PTPRD: variants seen among roughly 807,000 people sequenced by gnomAD.
PTPRD encodes protein tyrosine phosphatase receptor type D.
In PTPRD, 34 loss-of-function variants were observed where a neutral mutation model predicts 214.5. That is an observed-to-expected ratio of 0.16 (90% CI 0.12 to 0.21). The LOEUF is 0.21. Ranked by LOEUF, PTPRD falls within the 10% of genes least tolerant of loss-of-function variation. The pLI, the probability that PTPRD is intolerant of heterozygous loss-of-function variation, is 1.00. For missense variants in PTPRD, 2,545 were observed against 2,398.7 expected, an observed-to-expected ratio of 1.06 and a Z score of -1.27; for synonymous variants, 1,128 against 845.7, an observed-to-expected ratio of 1.33 and a Z score of -5.79.
chr9:9,783,534 G>A (rs530221429), intron 5 of PTPRD, among the ~76,000 whole-genome samples: 1 of 151,964 alleles, frequency 6.6e-6, no homozygotes, highest in Non-Finnish European at 1.5e-5. Context: ...CACTGATGTG[G>A]GAAGAGATCT....
intron 11 of PTPRD, among the ~76,000 whole-genome samples, chr9:8,842,377 T>C (rs2097575610): frequency 1.3e-5 from 2 of 152,230 alleles, no homozygotes; most frequent in Admixed American, 6.5e-5. Context: ...TGAGATTATA[T>C]TACTTTTATG....
chr9:9,105,391 C>G (rs1488058891), intron 10 of PTPRD, among the ~76,000 whole-genome samples: 1 of 152,102 alleles, frequency 6.6e-6, no homozygotes, highest in Non-Finnish European at 1.5e-5. Flanking sequence ...GAGCTCTTAC[C>G]TTTTCTTCAG....
intron 2 of PTPRD, among the ~76,000 whole-genome samples, chr9:10,507,143 T>C (rs1238739886): frequency 6.6e-6 from 1 of 152,152 alleles, no homozygotes; most frequent in Non-Finnish European, 1.5e-5. Context: ...AGCATTCTTA[T>C]ACACCAATAA....
intron 9 of PTPRD, among the ~76,000 whole-genome samples, chr9:9,184,448 C>T: frequency 6.6e-6 from 1 of 152,072 alleles, no homozygotes; most frequent in South Asian, 2.1e-4. Context: ...GTCCCAAAGA[C>T]AAAAAGAACA....
intron 11 of PTPRD, among the ~76,000 whole-genome samples, chr9:8,816,804 A>G (rs906341591): frequency 1.3e-5 from 2 of 151,916 alleles, no homozygotes; most frequent in Non-Finnish European, 2.9e-5. Context: ...TAGGAATAGA[A>G]GAAGAAAGGG....
At chr9:9,476,596 T>C (rs1026270297) in intron 8 of PTPRD, among the ~76,000 whole-genome samples, 5 of 152,206 alleles carry the variant, frequency 3.3e-5, no homozygotes, top group Admixed American at 3.3e-4. Flanking sequence ...TGCTAGCATG[T>C]GGCCTCTATA....
intron 35 of PTPRD, among the ~76,000 whole-genome samples, chr9:8,418,146 G>T (rs1282469539): frequency 6.6e-6 from 1 of 151,792 alleles, no homozygotes; most frequent in Non-Finnish European, 1.5e-5. Flanking sequence ...GTTTTCCTCT[G>T]TCCATGTCTG....
chr9:8,793,264 A>G (rs2154513304), intron 11 of PTPRD, among the ~76,000 whole-genome samples: 1 of 149,182 alleles, frequency 6.7e-6, no homozygotes, highest in East Asian at 2.0e-4. Context: ...TTGATCACTC[A>G]TTTTGGAATA....
chr9:10,577,999 C>T (rs2070123645), intron 2 of PTPRD, among the ~76,000 whole-genome samples: 1 of 151,390 alleles, frequency 6.6e-6, no homozygotes, highest in Non-Finnish European at 1.5e-5. Flanking sequence ...GCAACCTCCG[C>T]CTCCCAGGTT....
chr9:9,656,011 G>C (rs566641825), intron 7 of PTPRD, among the ~76,000 whole-genome samples: 2 of 152,054 alleles, frequency 1.3e-5, no homozygotes, highest in Admixed American at 1.3e-4. Flanking sequence ...TGGAAGATAA[G>C]CATATGAAAA....
In PTPRD at chr9:9,006,261, G is replaced by A. The variant is rs369650278; in HGVS notation, c.-104+12436C>T. Among the ~76,000 whole-genome samples the A allele has an allele frequency of 5.3e-5, 8 of 151,972 alleles. No individual in the cohort carries two copies. The East Asian group carries it at 1.5e-3, about 29-fold the overall frequency. On this transcript the variant is annotated intron_variant, in intron 11 of 45. Transcript: ENST00000381196. ...ACTCTATTATTCTAGGTCCTCCTAT[G>A]TTAGATGGGCTATGAGAGCAAATAT...
At chr9:9,333,160 G>C (rs1387903675) in intron 9 of PTPRD, among the ~76,000 whole-genome samples, 1 of 151,880 alleles carries the variant, frequency 6.6e-6, no homozygotes, top group East Asian at 1.9e-4. Flanking sequence ...TCACATTTGA[G>C]AGAGATAATA....
chr9:8,441,430 A>C (rs993599424), intron 34 of PTPRD, among the ~76,000 whole-genome samples: 14 of 152,190 alleles, frequency 9.2e-5, no homozygotes, highest in Non-Finnish European at 1.9e-4. Context: ...CAAAATCCAG[A>C]GTATCGTGTG....
intron 14 of PTPRD, among the ~76,000 whole-genome samples, chr9:8,616,309 T>A (rs527469650): frequency 6.6e-6 from 1 of 152,142 alleles, no homozygotes; most frequent in Non-Finnish European, 1.5e-5. Context: ...TTTCAAGTTG[T>A]AACATGGCAG....
intron 3 of PTPRD, among the ~76,000 whole-genome samples, chr9:10,143,445 T>C (rs1003759090): frequency 2.0e-5 from 3 of 152,014 alleles, no homozygotes; most frequent in Non-Finnish European, 4.4e-5. Flanking sequence ...AATGGAACAC[T>C]TGTACACTGT....
chr9:8,646,353 C>T (rs780138429), intron 12 of PTPRD, among the ~76,000 whole-genome samples: 8 of 152,104 alleles, frequency 5.3e-5, no homozygotes, highest in African/African-American at 1.4e-4. Context: ...AGCTCTTTTC[C>T]GCTCAAAAAA....
chr9:8,599,058 C>G (rs981482104), intron 14 of PTPRD, among the ~76,000 whole-genome samples: 1 of 152,088 alleles, frequency 6.6e-6, no homozygotes, highest in Non-Finnish European at 1.5e-5. Flanking sequence ...ATAACTGAAT[C>G]AAGTGGGCAG....
chr9:9,840,021 G>A (rs1207484945), intron 5 of PTPRD, among the ~76,000 whole-genome samples: 1 of 151,810 alleles, frequency 6.6e-6, no homozygotes, highest in Non-Finnish European at 1.5e-5. Flanking sequence ...TCAATTTTAT[G>A]GTTGGTTTTT....
intron 10 of PTPRD, among the ~76,000 whole-genome samples, chr9:9,114,071 G>A (rs1452318938): frequency 1.3e-5 from 2 of 152,132 alleles, no homozygotes; most frequent in Admixed American, 6.5e-5. Context: ...AGAACAAACA[G>A]AAGAGCTATA....
Sources: gnomAD v4.1 joint callset for allele counts (sites outside exome capture counted in the v4.1 genomes callset) on GRCh38, gnomAD v4.1.1 for gene constraint, MANE v1.5 for transcripts, NCBI Gene and HGNC (gene_info 2026-07-23, HGNC 2026-07-21) for gene names.